The following CNTNAP2 variants were observed in gnomAD, a reference collection of about 807,000 sequenced individuals.
The protein encoded by CNTNAP2 is contactin associated protein 2.
CNTNAP2 carries 98 observed loss-of-function variants against 155.2 expected under a neutral mutation model. That is an observed-to-expected ratio of 0.63 (90% confidence interval 0.54 to 0.75). CNTNAP2 has a LOEUF of 0.75. Ranked by LOEUF, CNTNAP2 falls within the 30% of genes least tolerant of loss-of-function variation. The pLI, the probability that CNTNAP2 is intolerant of heterozygous loss-of-function variation, is 0.00. For synonymous variants in CNTNAP2, 651 were observed against 631.2 expected (o/e 1.03, Z -0.47); for missense variants, 1,727 against 1,688.1 (o/e 1.02, Z -0.40).
intron 22 of CNTNAP2, among the ~76,000 whole-genome samples, chr7:148,402,681 C>T (rs78962407): frequency 0.047 from 7,173 of 152,142 alleles, 228 homozygotes; most frequent in African/African-American, 0.084. Flanking sequence ...TACCTCATCT[C>T]GCCCGGACCC....
intron 9 of CNTNAP2, among the ~76,000 whole-genome samples, chr7:147,382,125 C>G (rs959450237): frequency 6.6e-6 from 1 of 152,034 alleles, no homozygotes; most frequent in Middle Eastern, 3.4e-3. Context: ...TAAATCACTA[C>G]AAACATATTT....
intron 14 of CNTNAP2, among the ~76,000 whole-genome samples, chr7:147,963,856 G>A (rs1241171078): frequency 1.3e-5 from 2 of 152,016 alleles, no homozygotes; most frequent in Non-Finnish European, 2.9e-5. Flanking sequence ...TCCCTTGCTT[G>A]GAAGACCAAA....
chr7:146,974,365 G>A (rs1797864311), intron 3 of CNTNAP2, among the ~76,000 whole-genome samples: 3 of 151,820 alleles, frequency 2.0e-5, no homozygotes, highest in African/African-American at 7.3e-5. Flanking sequence ...TTGAACCTGG[G>A]AAGAGGAGGT....
intron 21 of CNTNAP2, among the ~76,000 whole-genome samples, chr7:148,291,029 AC>A (rs1273814079): frequency 3.9e-5 from 6 of 152,156 alleles, no homozygotes; most frequent in Non-Finnish European, 8.8e-5. Flanking sequence ...CACAAAATTG[AC>A]CGGCGCAAGT....
chr7:147,113,579 A>G (rs998315560), intron 5 of CNTNAP2, among the ~76,000 whole-genome samples: 2 of 152,158 alleles, frequency 1.3e-5, no homozygotes, highest in South Asian at 4.1e-4. Flanking sequence ...TGCAGAGTGA[A>G]GTCGGGGAAA....
chr7:147,903,571 G>A lies in CNTNAP2; in HGVS notation c.2105G>A (p.Ser702Asn), dbSNP rs1295595749. The A allele has an allele frequency of 6.2e-7, 1 of 1,614,182 alleles. No homozygotes were observed. Among genetic ancestry groups the A allele is most frequent in the South Asian group, 1.1e-5 (1 of 91,088 alleles). The change falls in exon 14 of 24, where the codon AGC becomes AAC. Residue 702 changes from serine to asparagine, a missense_variant. Coordinates refer to ENST00000361727, the MANE Select transcript of CNTNAP2 (RefSeq NM_014141.6). Reference protein sequence around the residue: ...MSRLLNTPDGSPYTWWVGKAN... With the variant: ...MSRLLNTPDGNPYTWWVGKAN... ...CCTTTGCCTTTTCTTGTAGATGGAAGCCCTTACACTTGGTGGGTTGGCAAA... is the reference window on the plus strand; with the variant it reads ...CCTTTGCCTTTTCTTGTAGATGGAAACCCTTACACTTGGTGGGTTGGCAAA...
chr7:147,133,582 C>T (rs1801419502), intron 8 of CNTNAP2, among the ~76,000 whole-genome samples: 1 of 152,006 alleles, frequency 6.6e-6, no homozygotes, highest in Admixed American at 6.6e-5. Flanking sequence ...CCTTTTTCTT[C>T]TGTCTCTGGC....
intron 1 of CNTNAP2, among the ~76,000 whole-genome samples, chr7:146,716,699 G>A (rs544183912): frequency 1.3e-5 from 2 of 152,228 alleles, no homozygotes; most frequent in South Asian, 4.1e-4. Flanking sequence ...TTCTCCCTTG[G>A]AGATGGCCAT....
intron 15 of CNTNAP2, among the ~76,000 whole-genome samples, chr7:148,052,939 C>T (rs1802921701): frequency 6.6e-6 from 1 of 152,054 alleles, no homozygotes; most frequent in Non-Finnish European, 1.5e-5. Context: ...CCCAGCTACT[C>T]GGGAGGCTGA....
chr7:146,415,844 A>G (rs1031187525), intron 1 of CNTNAP2, among the ~76,000 whole-genome samples: 2 of 152,152 alleles, frequency 1.3e-5, no homozygotes, highest in East Asian at 1.9e-4. Flanking sequence ...ATAAAATCAA[A>G]TTGTTTTCAT....
chr7:146,683,636 G>A (rs1229547106), intron 1 of CNTNAP2, among the ~76,000 whole-genome samples: 1 of 152,118 alleles, frequency 6.6e-6, no homozygotes, highest in Non-Finnish European at 1.5e-5. Context: ...ATTGTGTGTT[G>A]TGCATTTGTA....
At chr7:148,006,412 C>G (rs909583083) in intron 15 of CNTNAP2, among the ~76,000 whole-genome samples, 1 of 150,452 alleles carries the variant, frequency 6.6e-6, no homozygotes, top group Admixed American at 6.6e-5. Context: ...CTCTGCCTCC[C>G]AGGTTCAAGT....
At chr7:146,397,028 T>A (rs1045667783) in intron 1 of CNTNAP2, among the ~76,000 whole-genome samples, 3 of 152,180 alleles carry the variant, frequency 2.0e-5, no homozygotes, top group African/African-American at 7.2e-5. Flanking sequence ...TATAATGGAC[T>A]TCCAATAATC....
Position 147,196,284 on chromosome 7 carries a change from T to C in CNTNAP2, c.1348+63775T>C, listed in dbSNP as rs139328982. Among the ~76,000 whole-genome samples the C allele has an allele frequency of 4.8e-3, 726 of 152,346 alleles. 6 individuals are homozygous for C. The highest frequency in any genetic ancestry group is 0.017 in the African/African-American group (692 of 41,588). On this transcript the variant is annotated intron_variant, in intron 8 of 23. Coordinates refer to ENST00000361727, the MANE Select transcript of CNTNAP2 (RefSeq NM_014141.6). ...CAAAACTGAAATTTCATATTTTCAT[T>C]GATGGCTACCATTTTAGATCAGAAT...
Position 148,269,148 on chromosome 7 carries a change from A to C in CNTNAP2, c.3475+2022A>C, listed in dbSNP as rs148164049. ...AGGTGTGTGCATGAAGCCCAAGACC[A>C]CACACCTGGTGAACAAGACAGTGGG... On this transcript the variant is annotated intron_variant, in intron 21 of 23. Transcript: ENST00000361727. 2.4e-4 allele frequency among the ~76,000 whole-genome samples: 37 copies of C among 152,278 alleles called. No homozygotes were observed. The East Asian group carries it at 7.2e-3, about 29-fold the overall frequency.
At chr7:147,185,216 T>C (rs1432349456) in intron 8 of CNTNAP2, among the ~76,000 whole-genome samples, 2 of 152,080 alleles carry the variant, frequency 1.3e-5, no homozygotes, top group Non-Finnish European at 2.9e-5. Flanking sequence ...GAACATTAGA[T>C]AAATGTTAAT....
chr7:147,728,996 A>T, intron 13 of CNTNAP2, among the ~76,000 whole-genome samples: 1 of 147,588 alleles, frequency 6.8e-6, no homozygotes, highest in East Asian at 1.9e-4. Flanking sequence ...TATAATATAT[A>T]TTATGTATAA....
chr7:146,337,957 A>G (rs1373292104), intron 1 of CNTNAP2, among the ~76,000 whole-genome samples: 1 of 152,204 alleles, frequency 6.6e-6, no homozygotes. Context: ...ATAGGCAATG[A>G]CTTTTGCAAA....
chr7:147,985,042 G>T (rs921713720), intron 15 of CNTNAP2, among the ~76,000 whole-genome samples: 7 of 152,026 alleles, frequency 4.6e-5, no homozygotes, highest in African/African-American at 1.7e-4. Context: ...TTGAACCCAG[G>T]AGGCAGAGGT....
Sources: gnomAD v4.1 joint callset for allele counts (sites outside exome capture counted in the v4.1 genomes callset) on GRCh38, gnomAD v4.1.1 for gene constraint, MANE v1.5 for transcripts, NCBI Gene and HGNC (gene_info 2026-07-23, HGNC 2026-07-21) for gene names.